Variants in MSRA observed in about 807,000 individuals in gnomAD.
MSRA encodes methionine sulfoxide reductase A.
In MSRA, 54 loss-of-function variants were observed where a neutral mutation model predicts 31.3. That is an observed-to-expected ratio of 1.73 (90% CI 1.39 to 2.17). The LOEUF (loss-of-function observed/expected upper bound fraction) is 2.17, where lower values mean the gene tolerates loss of function less well. Among genes scored for constraint, MSRA ranks in the 30% most tolerant of loss-of-function variants. The pLI is 0.00. For synonymous variants in MSRA, 169 were observed against 116.5 expected (o/e 1.45, Z -2.90); for missense variants, 507 against 300.9 (o/e 1.69, Z -5.07).
At chr8:10,327,266 A>C (rs1802415394) in intron 5 of MSRA, among the ~76,000 whole-genome samples, 1 of 152,038 alleles carries the variant, frequency 6.6e-6, no homozygotes, top group South Asian at 2.1e-4. Flanking sequence ...CCATCCATCC[A>C]CCCACCTGTC....
intron 3 of MSRA, among the ~76,000 whole-genome samples, chr8:10,273,401 C>A (rs895832742): frequency 2.0e-5 from 3 of 152,118 alleles, no homozygotes; most frequent in African/African-American, 7.2e-5. Flanking sequence ...AGTTGTGCAA[C>A]TATGGATAAG....
At chr8:10,343,034 C>CAT in intron 5 of MSRA, among the ~76,000 whole-genome samples, 1 of 107,810 alleles carries the variant, frequency 9.3e-6, no homozygotes. Context: ...CACACACACA[C>CAT]ACACACACAC....
intron 1 of MSRA, among the ~76,000 whole-genome samples, chr8:10,075,829 C>T (rs555713764): frequency 6.6e-5 from 10 of 152,162 alleles, no homozygotes; most frequent in Non-Finnish European, 2.9e-5. Context: ...ATATTTTTCT[C>T]CCATGGGTAC....
At chr8:10,268,786 C>T (rs982563617) in intron 3 of MSRA, among the ~76,000 whole-genome samples, 29 of 152,222 alleles carry the variant, frequency 1.9e-4, no homozygotes, top group African/African-American at 6.3e-4. Context: ...ACACATTACA[C>T]CATTAAATGG....
At chr8:10,162,146 G>C (rs758534982) in intron 1 of MSRA, among the ~76,000 whole-genome samples, 3 of 152,114 alleles carry the variant, frequency 2.0e-5, no homozygotes, top group Non-Finnish European at 4.4e-5. Context: ...GCCTGAGACA[G>C]GGGAGTGGTC....
Position 10,054,640 on chromosome 8 carries a change from G to A in MSRA, c.124G>A (p.Glu42Lys), listed in dbSNP as rs748921520. Residue 42 changes from glutamate to lysine, a missense_variant, in exon 1 of 6, where the codon GAA becomes AAA. Coordinates refer to ENST00000317173, the MANE Select transcript of MSRA (RefSeq NM_012331.5). The stretch of plus-strand genomic sequence containing the variant: ...CCAGGAGGCCTTGCCGGGCCGGAAG[G>A]AACAGACCCCTGTAGCGGGTAAGCA... ...SPQEALPGRK[E>K]QTPVAAKHHV... 60 of 1,571,350 alleles carry A rather than the reference G, an allele frequency of 3.8e-5. No homozygotes were observed. Among genetic ancestry groups the A allele is most frequent in the Non-Finnish European group, 4.8e-5 (56 of 1,159,868 alleles).
intron 5 of MSRA, among the ~76,000 whole-genome samples, chr8:10,354,750 G>GTGTGTATATATA (rs371336632): frequency 4.3e-5 from 6 of 138,404 alleles, no homozygotes; most frequent in African/African-American, 1.7e-4. Context: ...GTGTGTGTGT[G>GTGTGTATATATA]TATATATATA....
At chr8:10,346,075 C>A (rs1374020445) in intron 5 of MSRA, among the ~76,000 whole-genome samples, 1 of 152,192 alleles carries the variant, frequency 6.6e-6, no homozygotes, top group East Asian at 1.9e-4. Flanking sequence ...GAGGGCAGCT[C>A]AACTGTGACC....
chr8:10,254,013 T>G (rs1194040667), intron 3 of MSRA, among the ~76,000 whole-genome samples: 1 of 152,238 alleles, frequency 6.6e-6, no homozygotes, highest in East Asian at 1.9e-4. Flanking sequence ...CACTGTTGTT[T>G]CCTGGGGCCG....
intron 1 of MSRA, among the ~76,000 whole-genome samples, chr8:10,098,101 TAATG>T (rs1389622819): frequency 1.3e-5 from 2 of 152,188 alleles, no homozygotes; most frequent in African/African-American, 4.8e-5. Flanking sequence ...AGTTGTAACA[TAATG>T]CATGCTTCTT....
intron 3 of MSRA, among the ~76,000 whole-genome samples, chr8:10,283,345 T>A (rs1403946540): frequency 6.6e-6 from 1 of 152,078 alleles, no homozygotes; most frequent in African/African-American, 2.4e-5. Flanking sequence ...TTATTAGGAG[T>A]ATTGTGCTCC....
rs1296910186 is a variant in MSRA at position 10,065,847 on chromosome 8, C to G, written c.142+11189C>G. ...GGAAGGAACACAGTCGCCCTGCTATCAGCCTCTGGTTTCTTGTCCCAGTGG... is the reference window on the plus strand; with the variant it reads ...GGAAGGAACACAGTCGCCCTGCTATGAGCCTCTGGTTTCTTGTCCCAGTGG... On this transcript the variant is annotated intron_variant, in intron 1 of 5. Transcript: ENST00000317173. Among the ~76,000 whole-genome samples, 3 of 152,194 alleles carry G rather than the reference C, an allele frequency of 2.0e-5. No individual in the cohort carries two copies. The East Asian group carries it at 5.8e-4, about 29-fold the overall frequency.
In MSRA at chr8:10,263,152, C is replaced by T. The variant is rs149558319; in HGVS notation, c.331+17929C>T. Among the ~76,000 whole-genome samples, 135 of 152,338 alleles carry T rather than the reference C, an allele frequency of 8.9e-4. 1 individual carries two copies. Among genetic ancestry groups the T allele is most frequent in the African/African-American group, 3.0e-3 (123 of 41,582 alleles). On this transcript the variant is annotated intron_variant, in intron 3 of 5. Coordinates refer to ENST00000317173, the MANE Select transcript of MSRA (RefSeq NM_012331.5). ...TTTCAGTGGTTGATTATAAAACCAG[C>T]ATTAGGTTGGGTGTTTCTCAGTTTA...
chr8:10,253,695 T>G (rs1213195709), intron 3 of MSRA, among the ~76,000 whole-genome samples: 2 of 152,168 alleles, frequency 1.3e-5, no homozygotes, highest in Non-Finnish European at 2.9e-5. Flanking sequence ...ACACTGATGT[T>G]TTCAAATCAC....
chr8:10,194,863 G>A (rs767862146), intron 1 of MSRA, among the ~76,000 whole-genome samples: 20 of 152,226 alleles, frequency 1.3e-4, no homozygotes, highest in Non-Finnish European at 2.8e-4. Context: ...GCTTCCAGGT[G>A]TTCACTGGGG....
At chr8:10,343,529 G>A (rs1337207457) in intron 5 of MSRA, among the ~76,000 whole-genome samples, 1 of 152,018 alleles carries the variant, frequency 6.6e-6, no homozygotes, top group Non-Finnish European at 1.5e-5. Flanking sequence ...CTGTAGCACC[G>A]TCCATTTGCA....
chr8:10,386,822 A>G (rs1467244687), intron 5 of MSRA, among the ~76,000 whole-genome samples: 1 of 151,986 alleles, frequency 6.6e-6, no homozygotes, highest in Non-Finnish European at 1.5e-5. Context: ...TCCTCCGGGA[A>G]AAATGGGATT....
intron 1 of MSRA, among the ~76,000 whole-genome samples, chr8:10,132,898 C>T (rs771138825): frequency 6.6e-6 from 1 of 152,200 alleles, no homozygotes; most frequent in South Asian, 2.1e-4. Context: ...AAGAACGAGT[C>T]TTGGCCATTT....
At chr8:10,056,198 C>CAAAAAAAAAAAAAA (rs35457688) in intron 1 of MSRA, among the ~76,000 whole-genome samples, 1 of 91,018 alleles carries the variant, frequency 1.1e-5, no homozygotes, top group Non-Finnish European at 2.1e-5. Context: ...TCCCATACAC[C>CAAAAAAAAAAAAAA]AAAAAAAAAA....
Sources: gnomAD v4.1 joint callset for allele counts (sites outside exome capture counted in the v4.1 genomes callset) on GRCh38, gnomAD v4.1.1 for gene constraint, MANE v1.5 for transcripts, NCBI Gene and HGNC (gene_info 2026-07-23, HGNC 2026-07-21) for gene names.